VPS54: variants seen among roughly 807,000 people sequenced by gnomAD.
VPS54 encodes VPS54 subunit of GARP complex.
Under a neutral mutation model 121.5 loss-of-function variants are expected in VPS54, and 45 were observed. The ratio of observed to expected loss-of-function variants is 0.37; its 90% CI spans 0.29 to 0.47. The LOEUF (loss-of-function observed/expected upper bound fraction) is 0.47. VPS54 is among the 20% of genes least tolerant of loss of function. The pLI, the probability that VPS54 is intolerant of heterozygous loss-of-function variation, is 0.99. For missense variants in VPS54, 1,090 were observed against 1,131.4 expected, an observed-to-expected ratio of 0.96 and a Z score of 0.52; for synonymous variants, 371 against 385.8, an observed-to-expected ratio of 0.96 and a Z score of 0.45.
Position 63,920,618 on chromosome 2 carries a change from GA to G in VPS54, c.1878del (p.Glu628ArgfsTer3). On this transcript the variant is annotated frameshift_variant, in exon 14 of 23. Transcript: ENST00000272322. LOFTEE classifies it high-confidence loss of function. ...KFLMSRAKDG[F>X]LEKLNSMEFI... ...AATTCCATGGAATTTAGCTTCTCAA[GA>G]AAACCATCCTAAATTTTAATACAAA... The G allele has an allele frequency of 6.7e-7, 1 of 1,490,624 alleles. No homozygotes were observed. The highest frequency in any genetic ancestry group is 1.4e-5 in the South Asian group (1 of 69,338). 92.3% of individuals were successfully genotyped at this position (1,490,624 alleles called of 1,614,324 possible). A position where few individuals can be genotyped will look rare whatever the true frequency, so the allele number is the denominator to read the frequency against.
chr2:63,976,823 C>CTTTTTTTTTTTTTTTTT (rs1481086180), intron 3 of VPS54, among the ~76,000 whole-genome samples: 1 of 68,040 alleles, frequency 1.5e-5, no homozygotes, highest in Non-Finnish European at 2.9e-5. Context: ...CTTATATCTT[C>CTTTTTTTTTTTTTTTTT]TCTTTTTTTT....
chr2:63,986,289 T>G (rs903653263), intron 1 of VPS54, among the ~76,000 whole-genome samples: 2 of 152,138 alleles, frequency 1.3e-5, no homozygotes, highest in Admixed American at 6.5e-5. Flanking sequence ...CCCACACTTA[T>G]CCTTCCAGGC....
At chr2:63,954,891 G>T (rs915464007) in intron 7 of VPS54, among the ~76,000 whole-genome samples, 1 of 151,788 alleles carries the variant, frequency 6.6e-6, no homozygotes, top group Non-Finnish European at 1.5e-5. Flanking sequence ...AATTAGAATG[G>T]ATAACTATGG....
chr2:63,947,572 T>G (rs530455363), intron 8 of VPS54, 82 bp from the exon 9 acceptor site: 4 of 1,147,628 alleles, frequency 3.5e-6, no homozygotes, highest in Non-Finnish European at 3.5e-6. Context: ...GCATCAAGAG[T>G]TCTGTTTGAT....
chr2:63,969,959 G>T (rs753756579), intron 4 of VPS54, among the ~76,000 whole-genome samples: 5 of 151,682 alleles, frequency 3.3e-5, no homozygotes, highest in Non-Finnish European at 7.4e-5. Flanking sequence ...ACATCTTAAG[G>T]CTGAGATACA....
At chr2:63,911,865 T>C (rs889635350) in intron 20 of VPS54, among the ~76,000 whole-genome samples, 21 of 152,192 alleles carry the variant, frequency 1.4e-4, no homozygotes, top group African/African-American at 5.1e-4. Context: ...TCAAGCGTGA[T>C]TGGGGCTGAC....
chr2:63,970,987 A>C (rs116507279), intron 4 of VPS54, among the ~76,000 whole-genome samples: 3,698 of 152,230 alleles, frequency 0.024, 138 homozygotes, highest in African/African-American at 0.084. Flanking sequence ...CATGTTCTTC[A>C]CTGCAAATCT....
chr2:63,933,600 T>A (rs1186855079), intron 12 of VPS54, 73 bp downstream of exon 12: 2 of 1,347,582 alleles, frequency 1.5e-6, no homozygotes, highest in African/African-American at 2.9e-5. Flanking sequence ...ATAAACTGAA[T>A]AATCAATCTT....
intron 2 of VPS54, among the ~76,000 whole-genome samples, chr2:63,982,659 T>C (rs1676851639): frequency 1.3e-5 from 2 of 152,186 alleles, no homozygotes; most frequent in Non-Finnish European, 2.9e-5. Context: ...AACACATGTA[T>C]TTTCTCCATA....
intron 20 of VPS54, among the ~76,000 whole-genome samples, chr2:63,901,355 A>G (rs1672672658): frequency 6.6e-6 from 1 of 152,248 alleles, no homozygotes; most frequent in Admixed American, 6.5e-5. Flanking sequence ...CCACAAGAGA[A>G]GCAAGTAAGA....
intron 10 of VPS54, 74 bp from the exon 11 acceptor site, chr2:63,942,635 A>G (rs1674795442): frequency 1.7e-6 from 2 of 1,189,802 alleles, no homozygotes; most frequent in East Asian, 2.8e-5. Flanking sequence ...AAACTGGAAG[A>G]AATGAGACTA....
At chr2:63,931,280 C>T (rs545236181) in intron 12 of VPS54, among the ~76,000 whole-genome samples, 5 of 152,302 alleles carry the variant, frequency 3.3e-5, no homozygotes, top group Admixed American at 2.0e-4. Flanking sequence ...ATAATCAAAA[C>T]AACATGATAC....
chr2:63,964,775 C>G (rs936262301), intron 6 of VPS54, among the ~76,000 whole-genome samples: 13 of 152,300 alleles, frequency 8.5e-5, no homozygotes, highest in African/African-American at 2.9e-4. Flanking sequence ...TTATTGATGT[C>G]TTCCTGAGAC....
intron 20 of VPS54, among the ~76,000 whole-genome samples, chr2:63,906,706 G>C (rs1355267062): frequency 2.6e-5 from 4 of 152,172 alleles, no homozygotes; most frequent in Non-Finnish European, 5.9e-5. Flanking sequence ...GCTAGCAGGT[G>C]CAATCTGGCT....
chr2:63,918,780 GCTA>G (rs1673500981), intron 15 of VPS54, among the ~76,000 whole-genome samples: 1 of 151,776 alleles, frequency 6.6e-6, no homozygotes, highest in African/African-American at 2.4e-5. Flanking sequence ...AACTTCTTTA[GCTA>G]CTATTTCATC....
intron 11 of VPS54, among the ~76,000 whole-genome samples, chr2:63,939,963 G>A (rs1383348164): frequency 6.6e-6 from 1 of 152,010 alleles, no homozygotes; most frequent in Non-Finnish European, 1.5e-5. Flanking sequence ...TCACCATATT[G>A]GCCAGGATGG....
intron 5 of VPS54, 24 bp from the exon 6 acceptor site, chr2:63,965,990 C>T (rs755748655): frequency 1.3e-6 from 2 of 1,596,268 alleles, no homozygotes; most frequent in South Asian, 2.3e-5. Flanking sequence ...GCATTTCCCT[C>T]AATTAGATAA....
intron 12 of VPS54, among the ~76,000 whole-genome samples, chr2:63,930,096 T>C (rs1030747312): frequency 1.5e-5 from 2 of 131,070 alleles, no homozygotes; most frequent in Non-Finnish European, 3.1e-5. Flanking sequence ...GAGGAAGAGC[T>C]AGTACCATTC....
chr2:64,014,011 C>A (rs1221328326), intron 1 of VPS54, among the ~76,000 whole-genome samples: 1 of 148,280 alleles, frequency 6.7e-6, no homozygotes, highest in Non-Finnish European at 1.5e-5. Context: ...ACCAACATGG[C>A]GAAACCCTGT....
Sources: allele counts gnomAD v4.1 joint callset (sites outside exome capture counted in the v4.1 genomes callset), GRCh38; gene constraint gnomAD v4.1.1; transcripts MANE v1.5; gene names NCBI Gene and HGNC (gene_info 2026-07-23, HGNC 2026-07-21).